Variants in PIWIL1 observed in about 807,000 individuals in gnomAD.
The protein encoded by PIWIL1 is piwi like RNA-mediated gene silencing 1.
Under a neutral mutation model 114.4 loss-of-function variants are expected in PIWIL1, and 73 were observed. The observed-to-expected ratio is 0.64, with a 90% confidence interval of 0.53 to 0.78. The LOEUF (loss-of-function observed/expected upper bound fraction) is 0.78, where lower values mean the gene tolerates loss of function less well. Among genes scored for constraint, PIWIL1 ranks in the 30% least tolerant of loss-of-function variants. The pLI is 0.00. For missense variants in PIWIL1, 723 were observed against 1,063.1 expected, an observed-to-expected ratio of 0.68 and a Z score of 4.45; for synonymous variants, 375 against 369.0, an observed-to-expected ratio of 1.02 and a Z score of -0.19.
chr12:130,398,977 C>T, the PIWIL1 span: 1 of 400,126 alleles, frequency 2.5e-6, no homozygotes, highest in East Asian at 3.8e-5. Context: ...TTATTTAGGT[C>T]CAATAGTTTT....
intron 9 of PIWIL1, among the ~76,000 whole-genome samples, chr12:130,352,162 G>C (rs2073229833): frequency 6.6e-6 from 1 of 152,146 alleles, no homozygotes; most frequent in African/African-American, 2.4e-5. Context: ...TTGACGTTAA[G>C]ATATTTAAAA....
chr12:130,374,820 C>T (rs1318150452), downstream of PIWIL1, among the ~76,000 whole-genome samples: 1 of 152,164 alleles, frequency 6.6e-6, no homozygotes, highest in Non-Finnish European at 1.5e-5. Context: ...TTGACACCAT[C>T]CCCTGCTCCT....
At chr12:130,405,829 C>T in the PIWIL1 span, among the ~76,000 whole-genome samples, 1 of 151,862 alleles carries the variant, frequency 6.6e-6, no homozygotes, top group Non-Finnish European at 1.5e-5. Context: ...TTATTTTTGA[C>T]CTATACAGTT....
chr12:130,401,389 T>G, the PIWIL1 span, among the ~76,000 whole-genome samples: 1 of 152,152 alleles, frequency 6.6e-6, no homozygotes, highest in Non-Finnish European at 1.5e-5. Flanking sequence ...GTGCTGGGAT[T>G]ACAGGCTGAG....
the PIWIL1 span, among the ~76,000 whole-genome samples, chr12:130,410,977 A>G: frequency 6.6e-6 from 1 of 152,190 alleles, no homozygotes. Flanking sequence ...TAAGTCCATG[A>G]ATATGATCTC....
At chr12:130,341,973 G>A (rs889809169) in intron 1 of PIWIL1, among the ~76,000 whole-genome samples, 4 of 152,152 alleles carry the variant, frequency 2.6e-5, no homozygotes, top group East Asian at 1.9e-4. Context: ...TAGATATAAC[G>A]TATATGGTGA....
At chr12:130,420,063 T>C in the PIWIL1 span, among the ~76,000 whole-genome samples, 2 of 152,216 alleles carry the variant, frequency 1.3e-5, no homozygotes, top group African/African-American at 4.8e-5. This position sits in a 1 kb window ranked among gnomAD's most constrained non-coding sequence, Gnocchi z 4.3. Flanking sequence ...TATAGATTTC[T>C]AAAATATTGT....
intron 14 of PIWIL1, 108 bp downstream of exon 14, chr12:130,357,661 C>G: frequency 1.4e-6 from 1 of 694,238 alleles, no homozygotes; most frequent in African/African-American, 1.8e-5. Context: ...TTAATAGGTT[C>G]TCAAACTAGG....
At chr12:130,393,439 GT>G in the PIWIL1 span, among the ~76,000 whole-genome samples, 1 of 151,474 alleles carries the variant, frequency 6.6e-6, no homozygotes, top group African/African-American at 2.4e-5. Flanking sequence ...ACTGAATGTT[GT>G]GATGACCCGG....
chr12:130,424,932 A>T, the PIWIL1 span: 1 of 917,958 alleles, frequency 1.1e-6, no homozygotes, highest in Non-Finnish European at 1.4e-6. The surrounding 1 kb of genome is among the most constrained non-coding windows in gnomAD (Gnocchi z 9.8). Context: ...CCAGGGGAGG[A>T]AAGAAAATAC....
the PIWIL1 span, among the ~76,000 whole-genome samples, chr12:130,422,729 C>A: frequency 6.6e-6 from 1 of 152,168 alleles, no homozygotes; most frequent in Non-Finnish European, 1.5e-5. The surrounding 1 kb of genome is among the most constrained non-coding windows in gnomAD (Gnocchi z 5.2). Flanking sequence ...AGCCGGGCAC[C>A]AGCACCCCAC....
At chr12:130,361,885 C>A (rs11837231) in intron 16 of PIWIL1, among the ~76,000 whole-genome samples, 11,787 of 152,068 alleles carry the variant, frequency 0.078, 1,472 homozygotes, top group African/African-American at 0.27. Context: ...TATTTACTGG[C>A]CACTGAAATG....
the PIWIL1 span, among the ~76,000 whole-genome samples, chr12:130,378,150 A>T: frequency 0.94 from 142,504 of 152,266 alleles, 66,811 homozygotes; most frequent in Non-Finnish European, 0.96. Flanking sequence ...CAAAGGTTCC[A>T]TCTTGCCTCT....
chr12:130,342,520 G>A, intron 1 of PIWIL1, 60 bp from the exon 2 acceptor site: 1 of 985,972 alleles, frequency 1.0e-6, no homozygotes, highest in East Asian at 2.4e-5. Flanking sequence ...TAACATTGTA[G>A]AAATTATCAA....
intron 10 of PIWIL1, 104 bp from the exon 11 acceptor site, chr12:130,354,784 G>T: frequency 7.0e-7 from 1 of 1,430,454 alleles, no homozygotes; most frequent in Non-Finnish European, 9.5e-7. Context: ...TATTAAAACT[G>T]CTTTGTCTCC....
chr12:130,406,355 C>A, the PIWIL1 span: 11 of 679,328 alleles, frequency 1.6e-5, no homozygotes, highest in Admixed American at 3.0e-5. Context: ...TGGTATTAAT[C>A]TACTCTTTCA....
At chr12:130,357,673 A>C (rs779331427) in intron 14 of PIWIL1, 120 bp downstream of exon 14, 14 of 660,526 alleles carry the variant, frequency 2.1e-5, no homozygotes, top group Non-Finnish European at 3.8e-5. Flanking sequence ...CAAACTAGGC[A>C]CAAAATATGT....
the PIWIL1 span, among the ~76,000 whole-genome samples, chr12:130,409,520 T>A: frequency 1.3e-5 from 2 of 151,862 alleles, no homozygotes; most frequent in African/African-American, 4.8e-5. Context: ...TTTTTTTGTA[T>A]TTTTTTGTAT....
At chr12:130,375,545 G>T (rs538559670), downstream of PIWIL1, among the ~76,000 whole-genome samples, 33 of 152,296 alleles carry the variant, frequency 2.2e-4, no homozygotes, top group Non-Finnish European at 4.6e-4. Context: ...CTGTGCACTC[G>T]GCCAGAGCAC....
Sources: gnomAD v4.1 joint callset for allele counts (sites outside exome capture counted in the v4.1 genomes callset) on GRCh38, gnomAD v4.1.1 for gene constraint, Gnocchi (gnomAD v3.1) non-coding constraint, MANE v1.5 for transcripts, NCBI Gene and HGNC (gene_info 2026-07-23, HGNC 2026-07-21) for gene names.